Variants in ANTXRL observed in about 807,000 individuals in gnomAD.
ANTXRL encodes the protein anthrax toxin receptor-like.
Under a neutral mutation model 75.4 loss-of-function variants are expected in ANTXRL, and 63 were observed. The observed-to-expected ratio is 0.84, with a 90% CI of 0.68 to 1.03. The LOEUF is 1.03. Ranked by LOEUF, ANTXRL falls within the 50% of genes least tolerant of loss-of-function variation. The probability of loss-of-function intolerance (pLI) is 0.00; values close to 1 mark genes in which losing one functional copy is unlikely to be tolerated. For missense variants in ANTXRL, 797 were observed against 789.4 expected (o/e 1.01, Z -0.12); for synonymous variants, 335 against 291.3 (o/e 1.15, Z -1.53).
chr10:46,295,805 A>C lies in ANTXRL; in HGVS notation c.393-214A>C, dbSNP rs532954535. ...AAGCAGGGCCCTGGTGAAGTTCCCC[A>C]GGCCTGCATTCTCTGTAACTCGGAT... On this transcript the variant is annotated intron_variant, in intron 3 of 16. Transcript: ENST00000620264. Among the ~76,000 whole-genome samples the C allele has an allele frequency of 2.6e-5, 4 of 152,260 alleles. No individual in the cohort carries two copies. The East Asian group carries it at 7.7e-4, about 29-fold the overall frequency.
intron 2 of ANTXRL, among the ~76,000 whole-genome samples, chr10:46,293,327 T>C (rs1243138344): frequency 7.0e-6 from 1 of 143,686 alleles, no homozygotes; most frequent in African/African-American, 2.6e-5. Context: ...TGCCTGTGTG[T>C]GAGTGTGTGC....
At chr10:46,303,159 C>T (rs1554960997) in intron 10 of ANTXRL, among the ~76,000 whole-genome samples, 1 of 152,170 alleles carries the variant, frequency 6.6e-6, no homozygotes. Context: ...GGACCCAAAG[C>T]CCACAAGGCT....
At chr10:46,320,228 T>C (rs1322896885) in intron 16 of ANTXRL, among the ~76,000 whole-genome samples, 1 of 152,188 alleles carries the variant, frequency 6.6e-6, no homozygotes, top group Non-Finnish European at 1.5e-5. Context: ...GTTGGTTTCC[T>C]GGGGGCTCAC....
chr10:46,312,960 G>A (rs1404684888), intron 15 of ANTXRL, among the ~76,000 whole-genome samples: 4 of 152,154 alleles, frequency 2.6e-5, no homozygotes, highest in African/African-American at 9.7e-5. Context: ...AGAACCACAG[G>A]CTCCTCCTGT....
chr10:46,287,419 C>T lies in ANTXRL; in HGVS notation c.157C>T (p.His53Tyr). The part of the protein sequence containing the change: ...LALGSRRAHH[H>Y]HGPGWRQHWR... ...CCTGGGCTCCAGGAGAGCCCACCACCACCATGGCCCAGGATGGAGGCAGCA... is the reference window on the plus strand; with the variant it reads ...CCTGGGCTCCAGGAGAGCCCACCACTACCATGGCCCAGGATGGAGGCAGCA... The change falls in exon 1 of 17, where the codon CAC (histidine) becomes TAC (tyrosine). Residue 53 changes from histidine (H) to tyrosine (Y), a missense_variant. Coordinates refer to ENST00000620264, the MANE Select transcript of ANTXRL (RefSeq NM_001278688.3). 6.5e-7 allele frequency: 1 copy of T among 1,535,872 alleles called. No homozygotes were observed. Among genetic ancestry groups the T allele is most frequent in the Non-Finnish European group, 8.7e-7 (1 of 1,146,740 alleles).
chr10:46,296,902 G>A (rs782717293), intron 5 of ANTXRL, among the ~76,000 whole-genome samples: 38 of 152,306 alleles, frequency 2.5e-4, no homozygotes, highest in African/African-American at 5.3e-4. Context: ...CCCTCTGCCC[G>A]TGGGACAGGC....
chr10:46,303,211 A>C (rs1310315727), intron 10 of ANTXRL, among the ~76,000 whole-genome samples: 1 of 152,164 alleles, frequency 6.6e-6, no homozygotes, highest in African/African-American at 2.4e-5. Flanking sequence ...CTGAGCCTGA[A>C]TGGCCAGGTG....
chr10:46,310,414 C>T (rs1554963128), intron 13 of ANTXRL, 47 bp from the exon 14 acceptor site: 1 of 1,527,968 alleles, frequency 6.5e-7, no homozygotes, highest in Admixed American at 2.0e-5. Flanking sequence ...AAGGCAGAGC[C>T]CGCCCACCCC....
intron 16 of ANTXRL, 26 bp from the exon 17 acceptor site, chr10:46,329,573 C>T: frequency 4.7e-6 from 7 of 1,479,750 alleles, no homozygotes; most frequent in Middle Eastern, 1.7e-4. Context: ...ATCACGGTGA[C>T]CTTCTCTCTC....
chr10:46,311,315 A>G (rs1313579608), intron 14 of ANTXRL, among the ~76,000 whole-genome samples, 195 bp from the exon 15 acceptor site: 1 of 152,144 alleles, frequency 6.6e-6, no homozygotes, highest in Non-Finnish European at 1.5e-5. Context: ...AAGGGGACAG[A>G]GACAAAGTCG....
intron 16 of ANTXRL, among the ~76,000 whole-genome samples, chr10:46,321,479 T>A (rs1037413244): frequency 6.6e-6 from 1 of 152,276 alleles, no homozygotes; most frequent in Non-Finnish European, 1.5e-5. Flanking sequence ...AGTTGTGAAA[T>A]GCAGACCCAA....
In ANTXRL at chr10:46,329,839, T is replaced by A; in HGVS notation, c.1651T>A (p.Cys551Ser). Reference protein sequence around the residue: ...RECLARKQAPCSPRICLRHSP... With the variant: ...RECLARKQAPSSPRICLRHSP... ...GTGCCTTGCCCGCAAACAGGCTCCC[T>A]GCAGCCCAAGGATCTGCCTGAGACA... Residue 551 changes from cysteine to serine, a missense_variant, in exon 17 of 17, where the codon TGC becomes AGC. Coordinates refer to ENST00000620264, the MANE Select transcript of ANTXRL (RefSeq NM_001278688.3). 1 of 1,535,026 alleles carries A rather than the reference T, an allele frequency of 6.5e-7. No individual in the cohort carries two copies. Among genetic ancestry groups the A allele is most frequent in the Non-Finnish European group, 8.7e-7 (1 of 1,146,294 alleles).
In ANTXRL at chr10:46,293,839, C is replaced by T. The variant is rs1554957628; in HGVS notation, c.331C>T (p.Arg111Trp). The T allele has an allele frequency of 2.7e-5, 41 of 1,535,562 alleles. No individual in the cohort carries two copies. The highest frequency in any genetic ancestry group is 3.5e-5 in the Non-Finnish European group (40 of 1,146,584). The part of the protein sequence containing the change: ...TVARFQSPNI[R>W]MCFITYSTDG... ...ATGATTCCTTCACAGCCCAAATATT[C>T]GGATGTGCTTCATCACCTACTCCAC... The change falls in exon 3 of 17, where the codon CGG becomes TGG. Residue 111 changes from arginine to tryptophan, a missense_variant. Physicochemically the swap from Arg to Trp is moderately radical, Grantham distance 101 (BLOSUM62 -3). Around this residue, in one of 3 missense-constraint regions of ANTXRL, gnomAD observed 262 missense variants for 271.9 expected, o/e 0.96. Coordinates refer to ENST00000620264, the MANE Select transcript of ANTXRL (RefSeq NM_001278688.3).
At chr10:46,327,113 G>A (rs367778491) in intron 16 of ANTXRL, among the ~76,000 whole-genome samples, 8 of 152,248 alleles carry the variant, frequency 5.3e-5, no homozygotes, top group African/African-American at 1.2e-4. Context: ...GGGCTTGGGC[G>A]TGCAACATGG....
intron 16 of ANTXRL, among the ~76,000 whole-genome samples, chr10:46,317,593 A>C (rs1383559592): frequency 2.0e-5 from 3 of 152,180 alleles, no homozygotes; most frequent in African/African-American, 7.2e-5. Flanking sequence ...CAGGAATCCC[A>C]GCTTGCAGCT....
intron 16 of ANTXRL, among the ~76,000 whole-genome samples, chr10:46,314,466 G>A (rs1381292077): frequency 3.3e-5 from 5 of 152,014 alleles, no homozygotes; most frequent in Admixed American, 2.6e-4. Flanking sequence ...AGAGCTTGAC[G>A]GCCGAGTGTG....
At chr10:46,297,961 G>A (rs1298903155) in intron 8 of ANTXRL, 41 bp from the exon 9 acceptor site, 1 of 1,535,822 alleles carries the variant, frequency 6.5e-7, no homozygotes, top group Non-Finnish European at 8.7e-7. Context: ...TTGGCAGGAA[G>A]CTCACTCTCC....
In ANTXRL at chr10:46,298,012, AG is replaced by A; in HGVS notation, c.748del (p.Val250SerfsTer5). 1 of 1,535,908 alleles carries A rather than the reference AG, an allele frequency of 6.5e-7. No homozygotes were observed. Among genetic ancestry groups the A allele is most frequent in the Non-Finnish European group, 8.7e-7 (1 of 1,146,718 alleles). On this transcript the variant is annotated frameshift_variant, in exon 9 of 17. Coordinates refer to ENST00000620264, the MANE Select transcript of ANTXRL (RefSeq NM_001278688.3). LOFTEE classifies it high-confidence loss of function. ...LRSTIDALTS[K>X]VCLDVTSVEP... ...CCTCCTGTGTTCCAGCTCACGTCAA[AG>A]GTCTGTCTTGATGTGACATCGGTGG... is the stretch of plus-strand genomic sequence containing the variant.
intron 1 of ANTXRL, among the ~76,000 whole-genome samples, chr10:46,291,249 A>G (rs528843594): frequency 2.6e-5 from 4 of 152,150 alleles, no homozygotes; most frequent in Non-Finnish European, 5.9e-5. Context: ...CAGACATGAC[A>G]GGTTATTTCT....
Sources: gnomAD v4.1 joint callset for allele counts (sites outside exome capture counted in the v4.1 genomes callset) on GRCh38, gnomAD v4.1.1 for gene constraint, gnomAD v4.1.1 regional missense constraint, MANE v1.5 for transcripts, NCBI Gene and HGNC (gene_info 2026-07-23, HGNC 2026-07-21) for gene names.